Variants in PDE4D observed in about 807,000 individuals in gnomAD.
PDE4D encodes phosphodiesterase 4D.
In PDE4D, 24 loss-of-function variants were observed where a neutral mutation model predicts 87.4. The observed-to-expected ratio is 0.27, with a 90% CI of 0.20 to 0.39. The LOEUF is 0.39. PDE4D is among the 10% of genes least tolerant of loss of function. The pLI, the probability that PDE4D is intolerant of heterozygous loss-of-function variation, is 1.00. For synonymous variants in PDE4D, 384 were observed against 383.2 expected (o/e 1.00, Z -0.02); for missense variants, 714 against 1,041.0 (o/e 0.69, Z 4.32).
At chr5:60,029,132 G>C (rs1766955620) in intron 2 of PDE4D, among the ~76,000 whole-genome samples, 1 of 152,096 alleles carries the variant, frequency 6.6e-6, no homozygotes, top group African/African-American at 2.4e-5. Context: ...GTATAATTTT[G>C]TTACATGCAT....
intron 2 of PDE4D, among the ~76,000 whole-genome samples, chr5:60,041,958 CCATT>C (rs1768559745): frequency 6.6e-6 from 1 of 151,396 alleles, no homozygotes; most frequent in African/African-American, 2.4e-5. Flanking sequence ...TGAGACAGAA[CCATT>C]CACAACTGTG....
intron 3 of PDE4D, among the ~76,000 whole-genome samples, chr5:59,909,977 C>T (rs1348352800): frequency 6.6e-6 from 1 of 152,156 alleles, no homozygotes; most frequent in Non-Finnish European, 1.5e-5. Context: ...ATATACCCCC[C>T]ACCATCGTAC....
chr5:60,000,511 A>C (rs1311269552), intron 2 of PDE4D, among the ~76,000 whole-genome samples: 4 of 152,336 alleles, frequency 2.6e-5, no homozygotes, highest in Non-Finnish European at 5.9e-5. Context: ...AGGAGAAATA[A>C]AGATAAACAA....
At chr5:60,234,041 GCAACCATC>G (rs1746129102) in intron 1 of PDE4D, among the ~76,000 whole-genome samples, 1 of 151,726 alleles carries the variant, frequency 6.6e-6, no homozygotes, top group Non-Finnish European at 1.5e-5. Context: ...TCAAAGTTAT[GCAACCATC>G]AACACAATCA....
chr5:59,953,468 A>C (rs1385989005), intron 3 of PDE4D, among the ~76,000 whole-genome samples: 6 of 152,158 alleles, frequency 3.9e-5, no homozygotes, highest in Admixed American at 3.9e-4. Context: ...GAGCCAACTA[A>C]ATTTCTCATT....
At chr5:59,170,490 T>C (rs532710268) in intron 5 of PDE4D, among the ~76,000 whole-genome samples, 2 of 152,328 alleles carry the variant, frequency 1.3e-5, no homozygotes, top group African/African-American at 4.8e-5. Flanking sequence ...ACCAGTGCCC[T>C]TTCTAGGCAA....
chr5:60,505,967 C>G (rs2150250446), intron 1 of PDE4D, among the ~76,000 whole-genome samples: 1 of 152,370 alleles, frequency 6.6e-6, no homozygotes, highest in African/African-American at 2.4e-5. Flanking sequence ...AAAGCCCACA[C>G]AGCCAACACA....
chr5:59,548,853 A>G (rs904031446), intron 1 of PDE4D, among the ~76,000 whole-genome samples: 5 of 152,140 alleles, frequency 3.3e-5, no homozygotes, highest in African/African-American at 1.2e-4. Context: ...ACAAGAGAGA[A>G]ACTCCCATGA....
chr5:59,177,091 C>A (rs1784024927), intron 5 of PDE4D, among the ~76,000 whole-genome samples: 1 of 152,122 alleles, frequency 6.6e-6, no homozygotes, highest in Admixed American at 6.6e-5. Flanking sequence ...CCCTAAAATT[C>A]ATTTCAATAT....
At chr5:59,019,926 C>A (rs1478686015) in intron 6 of PDE4D, among the ~76,000 whole-genome samples, 1 of 151,706 alleles carries the variant, frequency 6.6e-6, no homozygotes, top group Admixed American at 6.6e-5. Context: ...TGTTTGAATA[C>A]AGATACATAA....
chr5:59,442,822 TCA>T (rs1215626671), intron 1 of PDE4D, among the ~76,000 whole-genome samples: 1 of 152,128 alleles, frequency 6.6e-6, no homozygotes, highest in Non-Finnish European at 1.5e-5. Flanking sequence ...CCATAGAAGT[TCA>T]CAGAGGAAAA....
intron 1 of PDE4D, among the ~76,000 whole-genome samples, chr5:59,300,111 CAAAAAAAAAAAAA>C (rs58771016): frequency 2.1e-5 from 1 of 48,758 alleles, no homozygotes; most frequent in African/African-American, 9.1e-5. Flanking sequence ...GGGTCTGTCT[CAAAAAAAAAAAAA>C]AAAAAAAAAA....
rs577774682 is a variant in PDE4D at position 59,074,038 on chromosome 5, T to C, written c.809-35067A>G. Reference sequence around the variant, plus strand: ...ACTACCTTCTTATTATATAATTCAATAAATCTCTTATTATTTAAGCTATTT... The same window carrying C: ...ACTACCTTCTTATTATATAATTCAACAAATCTCTTATTATTTAAGCTATTT... On this transcript the variant is annotated intron_variant, in intron 5 of 14. Transcript: ENST00000340635. Among the ~76,000 whole-genome samples, 120 of 152,322 alleles carry C rather than the reference T, an allele frequency of 7.9e-4. 1 individual carries two copies. Among genetic ancestry groups the C allele is most frequent in the Middle Eastern group, 3.4e-3 (1 of 294 alleles).
At chr5:60,061,744 G>A (rs186301110) in intron 2 of PDE4D, among the ~76,000 whole-genome samples, 72 of 152,136 alleles carry the variant, frequency 4.7e-4, no homozygotes, top group Non-Finnish European at 8.8e-4. Flanking sequence ...ATATACCAAT[G>A]GAACAGAATA....
Position 59,495,244 on chromosome 5 carries a change from C to T in PDE4D, c.456-279276G>A, listed in dbSNP as rs113284622. Among the ~76,000 whole-genome samples, 291 of 152,302 alleles carry T rather than the reference C, an allele frequency of 1.9e-3. 3 individuals are homozygous for T. Among genetic ancestry groups the T allele is most frequent in the African/African-American group, 6.8e-3 (281 of 41,558 alleles). ...ATGTTTACTATCAGAAGTAGTCTCC[C>T]CACTTGCATGCTTCTCTTAGTCCAT... On this transcript the variant is annotated intron_variant, in intron 1 of 14. Transcript: ENST00000340635.
At chr5:59,525,473 A>T (rs1244142801) in intron 1 of PDE4D, among the ~76,000 whole-genome samples, 1 of 152,230 alleles carries the variant, frequency 6.6e-6, no homozygotes, top group Non-Finnish European at 1.5e-5. Context: ...TTGCTTTTAC[A>T]GGCTCATAGA....
rs1381151270 is a variant in PDE4D, at chr5:59,649,904, CCTTTTTTT to C, written c.455+243256_455+243263del. The stretch of plus-strand genomic sequence containing the variant: ...TGTTAAAATGTTGATAGTTTGTGAA[CCTTTTTTT>C]TTTTTTTTTTTTTTTTTTTTAGCAA... On this transcript the variant is annotated intron_variant, in intron 1 of 14. Coordinates refer to ENST00000340635, the MANE Select transcript of PDE4D (RefSeq NM_001104631.2). Among the ~76,000 whole-genome samples the C allele has an allele frequency of 2.6e-4, 19 of 73,976 alleles. 3 individuals are homozygous for C. In the South Asian group the frequency reaches 2.9e-3, roughly 11 times the overall value. The allele number at this position is 73,976 out of a possible 152,430, so 48.5% of individuals were successfully genotyped here.
At chr5:60,148,007 G>C (rs893877109) in intron 2 of PDE4D, 1 of 252,538 alleles carries the variant, frequency 4.0e-6, no homozygotes, top group South Asian at 3.6e-5. Context: ...AATTTGAAAG[G>C]AGATGACCCA....
chr5:59,402,073 C>A (rs1285067848), intron 1 of PDE4D, among the ~76,000 whole-genome samples: 1 of 152,154 alleles, frequency 6.6e-6, no homozygotes, highest in African/African-American at 2.4e-5. Context: ...TTCTGAGAGA[C>A]AAGATTCTCC....
Sources: gnomAD v4.1 joint callset for allele counts (sites outside exome capture counted in the v4.1 genomes callset) on GRCh38, gnomAD v4.1.1 for gene constraint, MANE v1.5 for transcripts, NCBI Gene and HGNC (gene_info 2026-07-23, HGNC 2026-07-21) for gene names.